Variants in PTPRN2 observed in about 807,000 individuals in gnomAD.
PTPRN2 encodes the protein protein tyrosine phosphatase receptor type N2.
In PTPRN2, 74 loss-of-function variants were observed where a neutral mutation model predicts 118.8. The observed-to-expected ratio is 0.62, with a 90% CI of 0.52 to 0.76. The LOEUF (loss-of-function observed/expected upper bound fraction) is 0.76, where lower values mean the gene tolerates loss of function less well. Ranked by LOEUF, PTPRN2 falls within the 30% of genes least tolerant of loss-of-function variation. The pLI, the probability that PTPRN2 is intolerant of heterozygous loss-of-function variation, is 0.00. For missense variants in PTPRN2, 1,481 were observed against 1,394.4 expected (o/e 1.06, Z -0.99); for synonymous variants, 641 against 608.0 (o/e 1.05, Z -0.80).
chr7:158,405,147 C>T (rs1813309672), intron 2 of PTPRN2, among the ~76,000 whole-genome samples: 1 of 152,152 alleles, frequency 6.6e-6, no homozygotes, highest in South Asian at 2.1e-4. Flanking sequence ...GTTTCCCCAT[C>T]CACAAAGACA....
intron 12 of PTPRN2, among the ~76,000 whole-genome samples, chr7:157,773,853 T>C (rs1455880137): frequency 6.6e-6 from 1 of 152,198 alleles, no homozygotes; most frequent in East Asian, 1.9e-4. Flanking sequence ...TGAAGTCAGT[T>C]GGTGAATGAA....
chr7:158,298,987 C>T (rs1016033958), intron 3 of PTPRN2, among the ~76,000 whole-genome samples: 5 of 152,116 alleles, frequency 3.3e-5, no homozygotes, highest in African/African-American at 7.2e-5. Flanking sequence ...TTCAGGGAAC[C>T]GCACAGGAAG....
Position 157,785,683 on chromosome 7 carries a change from G to A in PTPRN2, c.1789-102746C>T, listed in dbSNP as rs988323948. Among the ~76,000 whole-genome samples, 12 of 152,158 alleles carry A rather than the reference G, an allele frequency of 7.9e-5. No individual in the cohort carries two copies. The highest frequency in any genetic ancestry group is 1.5e-4 in the Non-Finnish European group (10 of 68,028). On this transcript the variant is annotated intron_variant, in intron 12 of 22. Transcript: ENST00000389418. This position sits in a 1 kb window ranked among gnomAD's most constrained non-coding sequence, Gnocchi z 7.3. ...GAGACCGTGGGCACAGCACACCAAG[G>A]GGGAGCCTGCTCAGAGATGGGCATG...
chr7:157,748,058 C>G (rs1430291028), intron 12 of PTPRN2, among the ~76,000 whole-genome samples: 1 of 128,090 alleles, frequency 7.8e-6, no homozygotes, highest in Non-Finnish European at 1.6e-5. Flanking sequence ...CCGGGTGATT[C>G]TGAGGCCTGC....
At chr7:158,071,959 G>T (rs1167172836) in intron 11 of PTPRN2, among the ~76,000 whole-genome samples, 2 of 26,316 alleles carry the variant, frequency 7.6e-5, no homozygotes, top group Non-Finnish European at 1.4e-4. Context: ...GGAGGTGCTC[G>T]TCGTATGGAG....
At chr7:157,970,356 T>G (rs1438454249) in intron 11 of PTPRN2, among the ~76,000 whole-genome samples, 3 of 152,126 alleles carry the variant, frequency 2.0e-5, no homozygotes, top group African/African-American at 7.2e-5. Flanking sequence ...TCCCAGGTGC[T>G]CTGCTCAGCA....
chr7:157,802,186 G>A (rs544259311), intron 12 of PTPRN2, among the ~76,000 whole-genome samples: 1 of 152,200 alleles, frequency 6.6e-6, no homozygotes, highest in South Asian at 2.1e-4. Flanking sequence ...TGTCGAGACC[G>A]CGTTGAGGCC....
At chr7:158,351,172 A>C (rs1807902476) in intron 2 of PTPRN2, among the ~76,000 whole-genome samples, 1 of 152,194 alleles carries the variant, frequency 6.6e-6, no homozygotes, top group South Asian at 2.1e-4. Flanking sequence ...CCTCGAGGGC[A>C]CGGGTGAGGT....
chr7:157,569,815 T>C (rs1321629740), intron 20 of PTPRN2, among the ~76,000 whole-genome samples: 3 of 152,218 alleles, frequency 2.0e-5, no homozygotes, highest in African/African-American at 7.2e-5. Flanking sequence ...CATGACTGGC[T>C]TTTAAACAGA....
intron 10 of PTPRN2, among the ~76,000 whole-genome samples, chr7:158,096,958 C>G (rs980121096): frequency 1.3e-5 from 2 of 152,154 alleles, no homozygotes; most frequent in African/African-American, 4.8e-5. Flanking sequence ...AGTGGTTAAT[C>G]TGCACTGCCC....
chr7:158,362,460 C>T (rs771207024), intron 2 of PTPRN2, among the ~76,000 whole-genome samples: 1 of 152,206 alleles, frequency 6.6e-6, no homozygotes, highest in Non-Finnish European at 1.5e-5. Flanking sequence ...GACAATTCTG[C>T]CCATCAGACC....
intron 21 of PTPRN2, among the ~76,000 whole-genome samples, chr7:157,555,154 C>A (rs1193079733): frequency 1.3e-5 from 2 of 152,250 alleles, no homozygotes; most frequent in African/African-American, 4.8e-5. Flanking sequence ...CACTGGGTAC[C>A]ATCCCGTGCC....
rs899264784 is a variant in PTPRN2 at position 157,874,294 on chromosome 7, C to T, written c.1788+24379G>A. Among the ~76,000 whole-genome samples the T allele has an allele frequency of 2.6e-5, 4 of 152,170 alleles. No individual in the cohort carries two copies. Among genetic ancestry groups the T allele is most frequent in the African/African-American group, 9.7e-5 (4 of 41,446 alleles). On this transcript the variant is annotated intron_variant, in intron 12 of 22. Transcript: ENST00000389418. The surrounding 1 kb of genome is among the most constrained non-coding windows in gnomAD (Gnocchi z 5.8). ...TGCAAATCAGATCACAGCCCCTAAGCCTGGACTGCAGTGCTCCACTTGGCC... is the reference window on the plus strand; with the variant it reads ...TGCAAATCAGATCACAGCCCCTAAGTCTGGACTGCAGTGCTCCACTTGGCC...
intron 10 of PTPRN2, among the ~76,000 whole-genome samples, chr7:158,104,826 A>G (rs1247861351): frequency 7.0e-6 from 1 of 143,010 alleles, no homozygotes; most frequent in African/African-American, 2.7e-5. Flanking sequence ...AGCTCCATCA[A>G]ACTCCATCCC....
chr7:158,257,876 G>T (rs2150914558), intron 3 of PTPRN2, among the ~76,000 whole-genome samples: 1 of 152,350 alleles, frequency 6.6e-6, no homozygotes, highest in East Asian at 1.9e-4. Context: ...GCTCCTTGCT[G>T]TCAGCTGACA....
intron 12 of PTPRN2, among the ~76,000 whole-genome samples, chr7:157,715,108 T>C (rs954516866): frequency 6.6e-6 from 1 of 152,214 alleles, no homozygotes; most frequent in African/African-American, 2.4e-5. Context: ...TCTGGTGGCT[T>C]CTGTGTCATC....
chr7:157,704,219 G>T (rs1235382878), intron 12 of PTPRN2, among the ~76,000 whole-genome samples: 1 of 152,174 alleles, frequency 6.6e-6, no homozygotes, highest in African/African-American at 2.4e-5. Context: ...CTGAAAATGG[G>T]AATAAAATGT....
rs573745460 is a variant in PTPRN2 at position 158,417,534 on chromosome 7, G to A, written c.163+72201C>T. Among the ~76,000 whole-genome samples the A allele has an allele frequency of 5.1e-3, 758 of 149,238 alleles. 14 individuals are homozygous for A. Among genetic ancestry groups the A allele is most frequent in the African/African-American group, 0.017 (692 of 40,054 alleles). The stretch of plus-strand genomic sequence containing the variant: ...GTGTTAAGTCATGGTGTACTACATC[G>A]AGATGCTGCTGTAGCTCTCACTGTC... On this transcript the variant is annotated intron_variant, in intron 2 of 22. Transcript: ENST00000389418.
Position 157,603,911 on chromosome 7 carries a change from G to A in PTPRN2, c.2418+91C>T, listed in dbSNP as rs963267999. ...CAGAGACGCTGAGCTGGGTGGGGAC[G>A]TGATTTCCCCCGAGAACCTTCCCAC... On this transcript the variant is annotated intron_variant, in intron 16 of 22. Transcript: ENST00000389418. The surrounding 1 kb of genome is among the most constrained non-coding windows in gnomAD (Gnocchi z 5.4). 8.2e-5 allele frequency: 103 copies of A among 1,261,196 alleles called. No individual in the cohort carries two copies. Among genetic ancestry groups the A allele is most frequent in the Non-Finnish European group, 1.1e-4 (94 of 881,516 alleles). The allele number at this position is 1,261,196 out of a possible 1,614,324, so 78.1% of individuals were successfully genotyped here. A position where few individuals can be genotyped will look rare whatever the true frequency, so the allele number is the denominator to read the frequency against.
Sources: allele counts gnomAD v4.1 joint callset (sites outside exome capture counted in the v4.1 genomes callset), GRCh38; gene constraint gnomAD v4.1.1; non-coding constraint Gnocchi (gnomAD v3.1); transcripts MANE v1.5; gene names NCBI Gene and HGNC (gene_info 2026-07-23, HGNC 2026-07-21).